The following PPARD variants were observed in gnomAD, a reference collection of about 807,000 sequenced individuals.
The protein encoded by PPARD is peroxisome proliferator activated receptor delta.
Under a neutral mutation model 39.5 loss-of-function variants are expected in PPARD, and 6 were observed. That is an observed-to-expected ratio of 0.15 (90% confidence interval 0.08 to 0.30). PPARD has a LOEUF of 0.30. Ranked by LOEUF, PPARD falls within the 10% of genes least tolerant of loss-of-function variation. PPARD has a pLI of 1.00. For missense variants in PPARD, 397 were observed against 596.8 expected, an observed-to-expected ratio of 0.67 and a Z score of 3.49; for synonymous variants, 210 against 231.3, an observed-to-expected ratio of 0.91 and a Z score of 0.83.
At position 35,364,893 on chromosome 6, in the gene PPARD, T is replaced by G. The variant is rs528135064; in HGVS notation, c.-102+17743T>G. ...CCCAGCTAATTTTTTGTATTTTTAG[T>G]AGAGACGGGGTTTCACTGTGTTAGC... On this transcript the variant is annotated intron_variant, in intron 2 of 7. Transcript: ENST00000360694. 4.0e-4 allele frequency among the ~76,000 whole-genome samples: 60 copies of G among 151,614 alleles called. 1 individual carries two copies. Among genetic ancestry groups the G allele is most frequent in the African/African-American group, 1.4e-3 (58 of 41,242 alleles).
intron 2 of PPARD, among the ~76,000 whole-genome samples, chr6:35,400,318 A>G (rs561656776): frequency 2.6e-5 from 4 of 152,350 alleles, no homozygotes; most frequent in Non-Finnish European, 4.4e-5. Context: ...AGCAAGAGCC[A>G]GTCAGAGCTT....
In PPARD at chr6:35,403,755, G is replaced by A. The variant is rs78161793; in HGVS notation, c.-101-7232G>A. On this transcript the variant is annotated intron_variant, in intron 2 of 7. Coordinates refer to ENST00000360694, the MANE Select transcript of PPARD (RefSeq NM_006238.5). ...GGGTTGTGGTGAGAAGGAACAGAAT[G>A]GAGCTAGTCCAGGAGAGCTTCCCGG... Among the ~76,000 whole-genome samples the A allele has an allele frequency of 6.3e-4, 96 of 152,302 alleles. No individual in the cohort carries two copies. In the East Asian group the frequency reaches 0.014, roughly 23 times the overall value.
chr6:35,384,295 T>A (rs1250435472), intron 2 of PPARD, among the ~76,000 whole-genome samples: 1 of 134,342 alleles, frequency 7.4e-6, no homozygotes, highest in African/African-American at 3.0e-5. Context: ...AGCCGCCCCG[T>A]CCGGGAGGGA....
Position 35,420,183 on chromosome 6 carries a change from G to A in PPARD, c.187G>A (p.Asp63Asn). The A allele has an allele frequency of 1.2e-6, 2 of 1,613,684 alleles. No individual in the cohort carries two copies. Among genetic ancestry groups the A allele is most frequent in the Non-Finnish European group, 1.7e-6 (2 of 1,179,820 alleles). ...GCTGGACCAACTGCAGATGGGCTGT[G>A]ACGGGGCCTCATGCGGCAGCCTCAA... is the stretch of plus-strand genomic sequence containing the variant. ...SLLDQLQMGCDGASCGSLNME... is the reference protein window; with the variant it reads ...SLLDQLQMGCNGASCGSLNME... The change falls in exon 4 of 8, where the codon GAC (aspartate) becomes AAC (asparagine). Residue 63 changes from aspartate (D) to asparagine (N), a missense_variant. Transcript: ENST00000360694.
chr6:35,390,693 G>T (rs1444211145), intron 2 of PPARD, among the ~76,000 whole-genome samples: 1 of 151,906 alleles, frequency 6.6e-6, no homozygotes, highest in Non-Finnish European at 1.5e-5. Flanking sequence ...AGAAAGAAAA[G>T]AAAAAGAGAA....
chr6:35,388,510 G>C (rs1471586673), intron 2 of PPARD, among the ~76,000 whole-genome samples: 2 of 152,080 alleles, frequency 1.3e-5, no homozygotes, highest in Non-Finnish European at 2.9e-5. Flanking sequence ...TCAGGAGTTT[G>C]AGACCAGCCT....
At chr6:35,419,830 A>G (rs1581668122) in intron 3 of PPARD, among the ~76,000 whole-genome samples, 1 of 152,148 alleles carries the variant, frequency 6.6e-6, no homozygotes, top group Non-Finnish European at 1.5e-5. Flanking sequence ...CTGCTACCCC[A>G]TGGTGAGTTC....
intron 2 of PPARD, among the ~76,000 whole-genome samples, chr6:35,365,130 C>CCTTTTTTTTTTTTTTTTTTTTTTTTTTTT (rs1281072287): frequency 8.3e-6 from 1 of 121,088 alleles, no homozygotes; most frequent in African/African-American, 3.4e-5. Context: ...CTTCCTTATT[C>CCTTTTTTTTTTTTTTTTTTTTTTTTTTTT]TTTTTTTTTT....
rs1370749878 is a variant in PPARD, at chr6:35,364,855, G to A, written c.-102+17705G>A. On this transcript the variant is annotated intron_variant, in intron 2 of 7. Coordinates refer to ENST00000360694, the MANE Select transcript of PPARD (RefSeq NM_006238.5). ...CTCCCGAGTAGCTGGGACTACAGGC[G>A]CATGCCACCATGCCCAGCTAATTTT... is the stretch of plus-strand genomic sequence containing the variant. Among the ~76,000 whole-genome samples the A allele has an allele frequency of 5.9e-5, 9 of 151,812 alleles. 1 individual carries two copies. In the South Asian group the frequency reaches 1.5e-3, roughly 25 times the overall value.
intron 2 of PPARD, among the ~76,000 whole-genome samples, chr6:35,377,841 C>G (rs1762900280): frequency 6.9e-6 from 1 of 145,134 alleles, no homozygotes; most frequent in South Asian, 2.2e-4. Context: ...TAGTAACTAT[C>G]ACTCTGTGGG....
At chr6:35,396,875 G>A (rs1340447993) in intron 2 of PPARD, among the ~76,000 whole-genome samples, 1 of 152,068 alleles carries the variant, frequency 6.6e-6, no homozygotes, top group Non-Finnish European at 1.5e-5. Context: ...TGCCCAGGGT[G>A]GTCTGGAACT....
chr6:35,405,153 G>T (rs1764953153), intron 2 of PPARD, among the ~76,000 whole-genome samples: 1 of 152,112 alleles, frequency 6.6e-6, no homozygotes, highest in Non-Finnish European at 1.5e-5. Context: ...TGTCTCCCTA[G>T]TTCAAGCGAT....
chr6:35,420,330 G>C (rs938984278), intron 4 of PPARD, 49 bp downstream of exon 4: 1 of 1,515,662 alleles, frequency 6.6e-7, no homozygotes, highest in African/African-American at 1.4e-5. Flanking sequence ...GTGGTCACAT[G>C]GTGAATTGAC....
chr6:35,394,758 G>A (rs1290879135), intron 2 of PPARD, among the ~76,000 whole-genome samples: 2 of 149,602 alleles, frequency 1.3e-5, no homozygotes, highest in African/African-American at 2.5e-5. Flanking sequence ...GTGACAGAGT[G>A]AGACCCTGTC....
At chr6:35,361,598 T>C (rs554345148) in intron 2 of PPARD, among the ~76,000 whole-genome samples, 1 of 152,352 alleles carries the variant, frequency 6.6e-6, no homozygotes, top group East Asian at 1.9e-4. Flanking sequence ...GTCCAGTGAT[T>C]GTTTGTGGAG....
At chr6:35,365,039 T>TA (rs1762127543) in intron 2 of PPARD, among the ~76,000 whole-genome samples, 1 of 151,796 alleles carries the variant, frequency 6.6e-6, no homozygotes, top group Non-Finnish European at 1.5e-5. Flanking sequence ...AGATACCTGA[T>TA]ACCTGTCTGC....
At chr6:35,421,304 G>A (rs908943403) in intron 4 of PPARD, among the ~76,000 whole-genome samples, 1 of 49,218 alleles carries the variant, frequency 2.0e-5, no homozygotes, top group African/African-American at 1.1e-4. Flanking sequence ...ATTTAAAATA[G>A]TTGTGTTTTT....
chr6:35,381,488 C>T lies in PPARD; in HGVS notation c.-101-29499C>T, dbSNP rs113932534. 1.8e-3 allele frequency among the ~76,000 whole-genome samples: 274 copies of T among 152,272 alleles called. 1 individual carries two copies. The highest frequency in any genetic ancestry group is 6.1e-3 in the African/African-American group (252 of 41,542). Reference sequence around the variant, plus strand: ...GGGGACAGTCTAGGGCTTGTCTCTCCGCTCTGCCATCCTTAGTGCAGGGCG... The same window carrying T: ...GGGGACAGTCTAGGGCTTGTCTCTCTGCTCTGCCATCCTTAGTGCAGGGCG... On this transcript the variant is annotated intron_variant, in intron 2 of 7. Coordinates refer to ENST00000360694, the MANE Select transcript of PPARD (RefSeq NM_006238.5).
At chr6:35,351,921 G>A (rs903158107) in intron 2 of PPARD, among the ~76,000 whole-genome samples, 1 of 144,748 alleles carries the variant, frequency 6.9e-6, no homozygotes, top group Non-Finnish European at 1.5e-5. Context: ...GCTTGAGTGC[G>A]GTGGCACAGT....
Sources: gnomAD v4.1 joint callset for allele counts (sites outside exome capture counted in the v4.1 genomes callset) on GRCh38, gnomAD v4.1.1 for gene constraint, MANE v1.5 for transcripts, NCBI Gene and HGNC (gene_info 2026-07-23, HGNC 2026-07-21) for gene names.